The following TRPM3 variants were observed in gnomAD, a reference collection of about 807,000 sequenced individuals.
TRPM3 encodes the protein transient receptor potential cation channel subfamily M member 3.
Under a neutral mutation model 181.2 loss-of-function variants are expected in TRPM3, and 77 were observed. The observed-to-expected ratio is 0.42, with a 90% CI of 0.35 to 0.51. The LOEUF is 0.51. TRPM3 is among the 20% of genes least tolerant of loss of function. The probability of loss-of-function intolerance (pLI) is 0.01; values close to 1 mark genes in which losing one functional copy is unlikely to be tolerated. For synonymous variants in TRPM3, 745 were observed against 796.4 expected, an observed-to-expected ratio of 0.94 and a Z score of 1.09; for missense variants, 1,759 against 2,196.7, an observed-to-expected ratio of 0.80 and a Z score of 3.98.
chr9:71,034,270 G>A (rs72731753), intron 1 of TRPM3, among the ~76,000 whole-genome samples: 1,556 of 152,228 alleles, frequency 0.01, 19 homozygotes, highest in Non-Finnish European at 0.014. Context: ...TGGGTCATTG[G>A]CTAAATGACA....
chr9:70,572,002 G>T (rs780072340), intron 22 of TRPM3, among the ~76,000 whole-genome samples: 1 of 151,948 alleles, frequency 6.6e-6, no homozygotes, highest in African/African-American at 2.4e-5. Context: ...ACTCACTAAG[G>T]ACACAGTGCT....
At chr9:71,308,252 G>A (rs917024878) in intron 1 of TRPM3, among the ~76,000 whole-genome samples, 4 of 151,982 alleles carry the variant, frequency 2.6e-5, no homozygotes, top group African/African-American at 9.6e-5. Context: ...CAATACAAAA[G>A]TATTTGATCA....
chr9:70,836,315 C>G (rs1018210273), intron 5 of TRPM3, among the ~76,000 whole-genome samples: 1 of 152,118 alleles, frequency 6.6e-6, no homozygotes, highest in African/African-American at 2.4e-5. Context: ...CCAGTCTCCC[C>G]CCATCTTAAA....
chr9:71,087,086 T>G (rs1038324292), intron 1 of TRPM3, among the ~76,000 whole-genome samples: 3 of 152,042 alleles, frequency 2.0e-5, no homozygotes, highest in Admixed American at 2.0e-4. Context: ...CTTCGTGGCC[T>G]CAAAAACTTT....
intron 1 of TRPM3, among the ~76,000 whole-genome samples, chr9:71,430,626 A>T (rs1242433675): frequency 1.3e-5 from 2 of 151,996 alleles, no homozygotes; most frequent in Non-Finnish European, 2.9e-5. Flanking sequence ...AGCCTGGCCA[A>T]TATGGTGAAA....
chr9:70,768,975 C>G (rs1157571086), intron 7 of TRPM3, among the ~76,000 whole-genome samples: 1 of 152,160 alleles, frequency 6.6e-6, no homozygotes, highest in Non-Finnish European at 1.5e-5. Context: ...TTTCCTCATT[C>G]TCTATCTACT....
chr9:71,066,230 G>C (rs893002388), intron 1 of TRPM3, among the ~76,000 whole-genome samples: 5 of 152,110 alleles, frequency 3.3e-5, no homozygotes, highest in Non-Finnish European at 5.9e-5. Flanking sequence ...TTCATATCTT[G>C]ATGACAATAA....
chr9:71,438,974 C>A (rs1026101102), intron 1 of TRPM3, among the ~76,000 whole-genome samples: 1 of 152,162 alleles, frequency 6.6e-6, no homozygotes, highest in Non-Finnish European at 1.5e-5. Context: ...TAACTACAAT[C>A]TATTTCAATA....
At chr9:71,234,141 G>C (rs560205876) in intron 1 of TRPM3, among the ~76,000 whole-genome samples, 1 of 152,286 alleles carries the variant, frequency 6.6e-6, no homozygotes, top group South Asian at 2.1e-4. Flanking sequence ...TCATTCACGT[G>C]CCTGACTGTC....
chr9:71,082,788 C>G (rs989278695), intron 1 of TRPM3, among the ~76,000 whole-genome samples: 3 of 151,940 alleles, frequency 2.0e-5, no homozygotes, highest in Admixed American at 1.3e-4. Flanking sequence ...GTGGTTTTAC[C>G]AGGAACAGTG....
intron 20 of TRPM3, among the ~76,000 whole-genome samples, chr9:70,600,171 G>T (rs2059633485): frequency 6.6e-6 from 1 of 152,160 alleles, no homozygotes; most frequent in Non-Finnish European, 1.5e-5. Flanking sequence ...ACCACCCCAG[G>T]ATGTGAGAAG....
chr9:71,012,410 T>G (rs77665094), intron 1 of TRPM3, among the ~76,000 whole-genome samples: 2,185 of 151,772 alleles, frequency 0.014, 52 homozygotes, highest in African/African-American at 0.049. Context: ...TATAGTTGTT[T>G]TTTTTTTTTA....
chr9:70,652,157 A>C (rs2059680454), intron 9 of TRPM3, among the ~76,000 whole-genome samples: 1 of 152,188 alleles, frequency 6.6e-6, no homozygotes, highest in African/African-American at 2.4e-5. Context: ...AACCTAGATA[A>C]TTGAAAAGAT....
In TRPM3 at chr9:70,947,461, A is replaced by G. The variant is rs2992996; in HGVS notation, c.178-82950T>C. ...AATTTAGAAACCAAGGGTATCCACT[A>G]TTTTTATTTTGTATTCACTTTTTTT... is the stretch of plus-strand genomic sequence containing the variant. On this transcript the variant is annotated intron_variant, in intron 1 of 25. Transcript: ENST00000677713. Among the ~76,000 whole-genome samples the G allele has an allele frequency of 6.2e-3, 945 of 152,232 alleles. 16 individuals are homozygous for G. The highest frequency in any genetic ancestry group is 0.022 in the African/African-American group (903 of 41,550).
intron 22 of TRPM3, among the ~76,000 whole-genome samples, chr9:70,554,231 C>T (rs968764920): frequency 4.6e-5 from 7 of 152,102 alleles, no homozygotes; most frequent in Non-Finnish European, 7.3e-5. Context: ...CAATGTGGCT[C>T]AGGAAGCCAG....
chr9:70,868,564 C>T (rs931017566), intron 1 of TRPM3, among the ~76,000 whole-genome samples: 4 of 152,002 alleles, frequency 2.6e-5, no homozygotes, highest in South Asian at 2.1e-4. Flanking sequence ...CACCAGCTAT[C>T]GAATCAAGTT....
intron 5 of TRPM3, among the ~76,000 whole-genome samples, chr9:70,833,667 T>G (rs1387303127): frequency 6.6e-6 from 1 of 152,104 alleles, no homozygotes; most frequent in African/African-American, 2.4e-5. Context: ...CCAGTCTGAT[T>G]GTAAATTTGT....
chr9:71,270,087 A>T (rs2083677567), intron 1 of TRPM3, among the ~76,000 whole-genome samples: 2 of 151,908 alleles, frequency 1.3e-5, no homozygotes, highest in Non-Finnish European at 2.9e-5. Context: ...AGTTAATGTC[A>T]CTCCTCTGCT....
chr9:70,688,971 G>A lies in TRPM3; in HGVS notation c.1273-7393C>T, dbSNP rs114063206. On this transcript the variant is annotated intron_variant, in intron 8 of 25. Coordinates refer to ENST00000677713, the MANE Select transcript of TRPM3 (RefSeq NM_001366145.2). ...TTGCTCAGTAAGCATTTGTTGAGTA[G>A]ATGAATTATTACCAAGTGGTTATGT... is the stretch of plus-strand genomic sequence containing the variant. 4.9e-3 allele frequency among the ~76,000 whole-genome samples: 753 copies of A among 152,270 alleles called. 8 individuals carry two copies. Among genetic ancestry groups the A allele is most frequent in the African/African-American group, 0.017 (712 of 41,552 alleles).
Sources: allele counts gnomAD v4.1 joint callset (sites outside exome capture counted in the v4.1 genomes callset), GRCh38; gene constraint gnomAD v4.1.1; transcripts MANE v1.5; gene names NCBI Gene and HGNC (gene_info 2026-07-23, HGNC 2026-07-21).